TULP4: variants seen among roughly 807,000 people sequenced by gnomAD.
TULP4 encodes the protein tubby-related protein 4.
In TULP4, 16 loss-of-function variants were observed where a neutral mutation model predicts 129.0. The observed-to-expected ratio is 0.12, with a 90% CI of 0.08 to 0.19. The LOEUF (loss-of-function observed/expected upper bound fraction) is 0.19. Ranked by LOEUF, TULP4 falls within the 10% of genes least tolerant of loss-of-function variation. The probability of loss-of-function intolerance (pLI) is 1.00; values close to 1 mark genes in which losing one functional copy is unlikely to be tolerated. For synonymous variants in TULP4, 998 were observed against 854.0 expected (o/e 1.17, Z -2.94); for missense variants, 1,842 against 2,059.1 (o/e 0.89, Z 2.04).
rs1373198001 is a variant in TULP4, at chr6:158,433,987, G to T, written c.543+4090G>T. On this transcript the variant is annotated intron_variant, in intron 3 of 13. Coordinates refer to ENST00000367097, the MANE Select transcript of TULP4 (RefSeq NM_020245.5). ...AAGTCCAAGATCAAGGTGTTGGCAGGTCTCATTTCTCCTGAGGCCTGTCTC... is the reference window on the plus strand; with the variant it reads ...AAGTCCAAGATCAAGGTGTTGGCAGTTCTCATTTCTCCTGAGGCCTGTCTC... Among the ~76,000 whole-genome samples, 3 of 152,150 alleles carry T rather than the reference G, an allele frequency of 2.0e-5. No homozygotes were observed. In the East Asian group the frequency reaches 5.8e-4, roughly 29 times the overall value.
intron 3 of TULP4, among the ~76,000 whole-genome samples, chr6:158,445,506 G>C (rs1225647963): frequency 6.6e-6 from 1 of 152,158 alleles, no homozygotes. Flanking sequence ...GAGAACCTGG[G>C]AGTGCAGACC....
intron 1 of TULP4, among the ~76,000 whole-genome samples, chr6:158,314,620 G>C (rs181869310): frequency 3.3e-5 from 5 of 152,130 alleles, no homozygotes; most frequent in African/African-American, 7.2e-5. Flanking sequence ...CCAACTTTTC[G>C]TGCTCCAAGT....
intron 1 of TULP4, among the ~76,000 whole-genome samples, chr6:158,365,989 A>G (rs367583275): frequency 0.012 from 1,363 of 114,386 alleles, 17 homozygotes; most frequent in East Asian, 0.052. Flanking sequence ...TGCAAGCTGC[A>G]CCTCCCAGGT....
chr6:158,248,034 A>G (rs745372902), intron 1 of TULP4, among the ~76,000 whole-genome samples: 2 of 152,246 alleles, frequency 1.3e-5, no homozygotes, highest in African/African-American at 4.8e-5. Context: ...TGCTGTGCGC[A>G]CAAAACCCAT....
intron 1 of TULP4, among the ~76,000 whole-genome samples, chr6:158,390,308 C>A (rs1269237414): frequency 6.6e-6 from 1 of 151,524 alleles, no homozygotes; most frequent in Non-Finnish European, 1.5e-5. Flanking sequence ...TATATCTGGT[C>A]TGTAGCTTGC....
intron 1 of TULP4, among the ~76,000 whole-genome samples, chr6:158,257,562 C>T (rs1258080929): frequency 6.6e-6 from 1 of 152,182 alleles, no homozygotes; most frequent in Non-Finnish European, 1.5e-5. Flanking sequence ...ACGGTTGCTT[C>T]TTCTGTATGA....
chr6:158,493,898 C>T lies in TULP4; in HGVS notation c.1776+181C>T, dbSNP rs910282565. On this transcript the variant is annotated intron_variant, in intron 10 of 13. Coordinates refer to ENST00000367097, the MANE Select transcript of TULP4 (RefSeq NM_020245.5). This position sits in a 1 kb window ranked among gnomAD's most constrained non-coding sequence, Gnocchi z 4.4. The stretch of plus-strand genomic sequence containing the variant: ...CTCAGGTGGAGCTCTGGCTTCTCCA[C>T]CTGTGCCCCTCAGCCAGTTCTGATC... 2.6e-5 allele frequency among the ~76,000 whole-genome samples: 4 copies of T among 152,294 alleles called. No individual in the cohort carries two copies. The highest frequency in any genetic ancestry group is 9.6e-5 in the African/African-American group (4 of 41,552).
At chr6:158,430,600 T>A (rs988536938) in intron 3 of TULP4, among the ~76,000 whole-genome samples, 3 of 151,840 alleles carry the variant, frequency 2.0e-5, no homozygotes, top group African/African-American at 7.3e-5. Flanking sequence ...ATACAAAAAT[T>A]AGCCAGGCAT....
intron 1 of TULP4, among the ~76,000 whole-genome samples, chr6:158,236,530 T>A (rs1386227424): frequency 6.6e-6 from 1 of 152,154 alleles, no homozygotes; most frequent in Non-Finnish European, 1.5e-5. Context: ...ATTAAGAAAG[T>A]TCCTCTTTAT....
intron 1 of TULP4, among the ~76,000 whole-genome samples, chr6:158,369,979 A>AG (rs1777036712): frequency 6.6e-6 from 1 of 150,788 alleles, no homozygotes; most frequent in South Asian, 2.1e-4. Flanking sequence ...CTTGAGCCCC[A>AG]GGAGTTTGAG....
chr6:158,235,627 C>T (rs1359835376), intron 1 of TULP4, among the ~76,000 whole-genome samples: 1 of 152,218 alleles, frequency 6.6e-6, no homozygotes, highest in African/African-American at 2.4e-5. Context: ...GGTTTACAGG[C>T]ATGAGCCACC....
chr6:158,358,287 G>T (rs1278509189), intron 1 of TULP4, among the ~76,000 whole-genome samples: 1 of 152,192 alleles, frequency 6.6e-6, no homozygotes, highest in African/African-American at 2.4e-5. Flanking sequence ...ACTATTCTTA[G>T]AGAAAAGTGA....
At chr6:158,454,110 G>A (rs1779238152) in intron 5 of TULP4, among the ~76,000 whole-genome samples, 1 of 146,518 alleles carries the variant, frequency 6.8e-6, no homozygotes, top group Non-Finnish European at 1.5e-5. Flanking sequence ...CCAATCTACT[G>A]TCTCAGGACT....
intron 1 of TULP4, chr6:158,242,048 C>T: frequency 2.5e-6 from 2 of 794,804 alleles, no homozygotes; most frequent in Non-Finnish European, 4.6e-6. Flanking sequence ...AGTAACCCTA[C>T]ATCCGTTGGT....
chr6:158,376,712 C>G (rs567680683), intron 1 of TULP4, among the ~76,000 whole-genome samples: 111 of 152,342 alleles, frequency 7.3e-4, no homozygotes, highest in African/African-American at 2.5e-3. Context: ...TTCTCAGCCT[C>G]TGTTGTGGGA....
At chr6:158,422,105 AAAAG>A (rs1248560191) in intron 2 of TULP4, among the ~76,000 whole-genome samples, 1 of 152,218 alleles carries the variant, frequency 6.6e-6, no homozygotes, top group Non-Finnish European at 1.5e-5. Context: ...CAATGAAAGA[AAAAG>A]TAAGAAATAA....
At chr6:158,372,381 TTTTAAGTAA>T (rs1313856367) in intron 1 of TULP4, among the ~76,000 whole-genome samples, 1 of 152,114 alleles carries the variant, frequency 6.6e-6, no homozygotes, top group African/African-American at 2.4e-5. Context: ...TGGATTTTTT[TTTTAAGTAA>T]AGCATTTAAC....
intron 8 of TULP4, among the ~76,000 whole-genome samples, chr6:158,481,982 C>T (rs1779957220): frequency 6.6e-6 from 1 of 152,182 alleles, no homozygotes; most frequent in Non-Finnish European, 1.5e-5. Context: ...ACTGCCAGCT[C>T]AGTCTGCCAC....
At position 158,510,037 on chromosome 6, in the gene TULP4, A is replaced by G. The variant is rs1048648284; in HGVS notation, c.*3343A>G. The G allele has an allele frequency of 6.6e-6, 1 of 152,578 alleles. No homozygotes were observed. The highest frequency in any genetic ancestry group is 6.5e-5 in the Admixed American group (1 of 15,290). The allele number at this position is 152,578 out of a possible 1,614,324, so 9.5% of individuals were successfully genotyped here. Reference sequence around the variant, plus strand: ...AAAAGGTTAACTGTATAAAGAATCTATGACTTTTTGAGGGAAGTGTGATAT... The same window carrying G: ...AAAAGGTTAACTGTATAAAGAATCTGTGACTTTTTGAGGGAAGTGTGATAT... On this transcript the variant is annotated 3_prime_UTR_variant, in exon 14 of 14. Coordinates refer to ENST00000367097, the MANE Select transcript of TULP4 (RefSeq NM_020245.5).
Sources: gnomAD v4.1 joint callset for allele counts (sites outside exome capture counted in the v4.1 genomes callset) on GRCh38, gnomAD v4.1.1 for gene constraint, Gnocchi (gnomAD v3.1) non-coding constraint, MANE v1.5 for transcripts, NCBI Gene and HGNC (gene_info 2026-07-23, HGNC 2026-07-21) for gene names.